PCDH7: variants seen among roughly 807,000 people sequenced by gnomAD.
PCDH7 encodes the protein protocadherin-7.
Under a neutral mutation model 58.9 loss-of-function variants are expected in PCDH7, and 17 were observed. The observed-to-expected ratio is 0.29, with a 90% CI of 0.20 to 0.43. PCDH7 has a LOEUF of 0.43. PCDH7 is among the 20% of genes least tolerant of loss of function. PCDH7 has a pLI of 1.00. For missense variants in PCDH7, 1,274 were observed against 1,441.0 expected (o/e 0.88, Z 1.88); for synonymous variants, 664 against 616.4 (o/e 1.08, Z -1.14).
chr4:30,861,342 T>C (rs1734168845), intron 1 of PCDH7, among the ~76,000 whole-genome samples: 1 of 152,176 alleles, frequency 6.6e-6, no homozygotes, highest in Admixed American at 6.5e-5. Context: ...ACCAGGGTGA[T>C]ATTTGTATTT....
intron 1 of PCDH7, among the ~76,000 whole-genome samples, chr4:30,834,567 C>A (rs921242729): frequency 2.0e-4 from 30 of 151,734 alleles, no homozygotes; most frequent in African/African-American, 7.0e-4. Flanking sequence ...CTGTCTGGTA[C>A]ATGGTTAGCT....
At chr4:30,959,490 A>G (rs1170130922) in intron 3 of PCDH7, among the ~76,000 whole-genome samples, 2 of 152,168 alleles carry the variant, frequency 1.3e-5, no homozygotes, top group African/African-American at 2.4e-5. Flanking sequence ...CATTTTGGCA[A>G]AAGTAAAACA....
intron 1 of PCDH7, among the ~76,000 whole-genome samples, chr4:30,767,291 G>C (rs924710007): frequency 6.6e-6 from 1 of 152,120 alleles, no homozygotes. Context: ...AAGAATTAGC[G>C]GTCTACAGTC....
chr4:31,103,685 A>G lies in PCDH7; in HGVS notation c.*8-38788A>G, dbSNP rs142574798. Among the ~76,000 whole-genome samples the G allele has an allele frequency of 8.5e-3, 1,297 of 152,176 alleles. 17 individuals are homozygous for G. Among genetic ancestry groups the G allele is most frequent in the African/African-American group, 0.03 (1,247 of 41,514 alleles). On this transcript the variant is annotated intron_variant, in intron 3 of 3. Transcript: ENST00000509759. ...TCCTGATTCTCTCTAGCTGACTGTC[A>G]CCACTGTCTTCCCTGGATTACTAGA...
intron 1 of PCDH7, among the ~76,000 whole-genome samples, chr4:30,727,331 G>A (rs1201533232): frequency 6.6e-6 from 1 of 151,878 alleles, no homozygotes; most frequent in East Asian, 1.9e-4. Context: ...AGGTTAAACA[G>A]CTTTGTAGAA....
At position 31,095,951 on chromosome 4, in the gene PCDH7, A is replaced by G. The variant is rs76289677; in HGVS notation, c.*8-46522A>G. Among the ~76,000 whole-genome samples the G allele has an allele frequency of 8.4e-3, 1,278 of 152,276 alleles. 18 individuals carry two copies. Among genetic ancestry groups the G allele is most frequent in the African/African-American group, 0.03 (1,235 of 41,560 alleles). On this transcript the variant is annotated intron_variant, in intron 3 of 3. Transcript: ENST00000509759. The stretch of plus-strand genomic sequence containing the variant: ...TAAATTGTTACCTATGTAAACCTGA[A>G]ACATTCTTGCCATGATACTCACAAT...
At chr4:30,974,618 A>G (rs1318347823) in intron 3 of PCDH7, among the ~76,000 whole-genome samples, 1 of 152,226 alleles carries the variant, frequency 6.6e-6, no homozygotes, top group Non-Finnish European at 1.5e-5. Flanking sequence ...ATTTCTGATA[A>G]TTAACCAAAA....
At chr4:30,817,159 A>G (rs1727792045) in intron 1 of PCDH7, among the ~76,000 whole-genome samples, 1 of 152,230 alleles carries the variant, frequency 6.6e-6, no homozygotes, top group South Asian at 2.1e-4. Context: ...ACCTGGACTT[A>G]GAAACCTGAT....
chr4:30,816,387 A>G (rs1202411495), intron 1 of PCDH7, among the ~76,000 whole-genome samples: 2 of 152,166 alleles, frequency 1.3e-5, no homozygotes, highest in South Asian at 2.1e-4. Context: ...GAAGGAATTT[A>G]AATTCAAAAG....
downstream of PCDH7, chr4:31,144,978 T>G (rs1356032996): frequency 1.3e-5 from 2 of 152,106 alleles, no homozygotes; most frequent in African/African-American, 4.8e-5. Flanking sequence ...TAAAGATACT[T>G]ATGAAATGTA....
At chr4:31,038,352 A>G (rs1477634915) in intron 3 of PCDH7, among the ~76,000 whole-genome samples, 1 of 152,210 alleles carries the variant, frequency 6.6e-6, no homozygotes, top group African/African-American at 2.4e-5. Context: ...ATTACCCATG[A>G]TAAATCAAAA....
chr4:30,806,566 A>C (rs1386501004), intron 1 of PCDH7, among the ~76,000 whole-genome samples: 1 of 151,714 alleles, frequency 6.6e-6, no homozygotes, highest in Non-Finnish European at 1.5e-5. Flanking sequence ...GGCTTCCCAA[A>C]GTGCTGGAAT....
At chr4:30,839,177 C>T (rs1730902354) in intron 1 of PCDH7, among the ~76,000 whole-genome samples, 1 of 151,698 alleles carries the variant, frequency 6.6e-6, no homozygotes, top group South Asian at 2.1e-4. Flanking sequence ...GTAGTATACT[C>T]TCTCTATATA....
intron 3 of PCDH7, among the ~76,000 whole-genome samples, chr4:31,013,618 C>CAT (rs1226746910): frequency 1.3e-5 from 2 of 150,844 alleles, no homozygotes; most frequent in South Asian, 2.1e-4. Flanking sequence ...CACACACACA[C>CAT]ATATATCTGC....
intron 3 of PCDH7, among the ~76,000 whole-genome samples, chr4:31,123,967 G>T (rs1049450361): frequency 6.6e-6 from 1 of 152,042 alleles, no homozygotes; most frequent in Non-Finnish European, 1.5e-5. Flanking sequence ...TCCTCTCAAC[G>T]TCCAGATGCT....
intron 3 of PCDH7, among the ~76,000 whole-genome samples, chr4:31,073,717 T>G (rs571597546): frequency 6.6e-6 from 1 of 152,332 alleles, no homozygotes; most frequent in African/African-American, 2.4e-5. Context: ...ATGGTGGGAT[T>G]ATTTCACTGT....
intron 3 of PCDH7, among the ~76,000 whole-genome samples, chr4:30,962,796 A>T (rs993865154): frequency 6.6e-6 from 1 of 151,216 alleles, no homozygotes; most frequent in African/African-American, 2.4e-5. Flanking sequence ...AAAAAAAAAA[A>T]AAAAAAAAAC....
chr4:31,142,654 T>C, exon 4 of PCDH7: 1 of 1,367,726 alleles, frequency 7.3e-7, no homozygotes, highest in Non-Finnish European at 9.8e-7. Flanking sequence ...AGCTGGCCAA[T>C]GGGGAGGCCG....
intron 3 of PCDH7, among the ~76,000 whole-genome samples, chr4:30,962,541 T>G (rs1748543527): frequency 6.6e-6 from 1 of 151,952 alleles, no homozygotes. Flanking sequence ...AATCCCAGCA[T>G]TTTGGAAAAC....
Sources: gnomAD v4.1 joint callset for allele counts (sites outside exome capture counted in the v4.1 genomes callset) on GRCh38, gnomAD v4.1.1 for gene constraint, MANE v1.5 for transcripts, NCBI Gene and HGNC (gene_info 2026-07-23, HGNC 2026-07-21) for gene names.